STARD9: variants seen among roughly 807,000 people sequenced by gnomAD.
STARD9 encodes the protein StAR related lipid transfer domain containing 9.
In STARD9, 346 loss-of-function variants were observed where a neutral mutation model predicts 399.8. The observed-to-expected ratio is 0.87, with a 90% CI of 0.79 to 0.95. The LOEUF (loss-of-function observed/expected upper bound fraction) is 0.95. STARD9 is among the 40% of genes least tolerant of loss of function. The probability of loss-of-function intolerance (pLI) is 0.00; values close to 1 mark genes in which losing one functional copy is unlikely to be tolerated. For synonymous variants in STARD9, 2,203 were observed against 2,143.5 expected (o/e 1.03, Z -0.77); for missense variants, 5,832 against 5,667.5 (o/e 1.03, Z -0.93).
intron 7 of STARD9, among the ~76,000 whole-genome samples, chr15:42,645,835 C>T (rs77411372): frequency 6.6e-6 from 1 of 152,044 alleles, no homozygotes; most frequent in Admixed American, 6.6e-5. Context: ...AGTCACCGCG[C>T]CCAGCCTGGC....
rs1295614927 is a variant in STARD9, at chr15:42,688,573, G to A, written c.6995G>A (p.Ser2332Asn). The change falls in exon 23 of 33, where the codon AGT becomes AAT. Residue 2332 changes from serine (S) to asparagine (N), a missense_variant. Physicochemically the swap from Ser to Asn is conservative, Grantham distance 46. Coordinates refer to ENST00000290607, the MANE Select transcript of STARD9 (RefSeq NM_020759.3). Reference protein sequence around the residue: ...FCTAPLHQDLSNTLPLNSPRW... With the variant: ...FCTAPLHQDLNNTLPLNSPRW... ...ACAGCTCCTCTTCACCAAGACCTGAGTAATACCTTGCCCTTGAATTCTCCA... is the reference window on the plus strand; with the variant it reads ...ACAGCTCCTCTTCACCAAGACCTGAATAATACCTTGCCCTTGAATTCTCCA... The A allele has an allele frequency of 2.6e-6, 4 of 1,537,706 alleles. No individual in the cohort carries two copies. In the East Asian group the frequency reaches 9.8e-5, roughly 38 times the overall value.
At chr15:42,586,949 G>A (rs2058289350) in intron 3 of STARD9, among the ~76,000 whole-genome samples, 2 of 151,658 alleles carry the variant, frequency 1.3e-5, no homozygotes, top group South Asian at 4.2e-4. Context: ...CTTTCTTCTG[G>A]GCTGAAAGTG....
At chr15:42,623,992 A>G (rs1053901667) in intron 3 of STARD9, among the ~76,000 whole-genome samples, 1 of 152,254 alleles carries the variant, frequency 6.6e-6, no homozygotes, top group African/African-American at 2.4e-5. Context: ...AAACATTTAT[A>G]TTGGGTAGAG....
chr15:42,586,886 G>A (rs1172146404), intron 3 of STARD9, among the ~76,000 whole-genome samples: 1 of 147,496 alleles, frequency 6.8e-6, no homozygotes, highest in South Asian at 2.2e-4. Flanking sequence ...AGATGATCTT[G>A]TTCTGTTGCC....
intron 3 of STARD9, among the ~76,000 whole-genome samples, chr15:42,586,998 G>C (rs537732074): frequency 5.6e-4 from 85 of 152,180 alleles, no homozygotes; most frequent in African/African-American, 2.0e-3. Flanking sequence ...TGGGACTACA[G>C]GTGTGTGCCC....
rs149916930 is a variant in STARD9, at chr15:42,597,970, C to CTG, written c.234+12349_234+12350dup. The stretch of plus-strand genomic sequence containing the variant: ...ACAGGTGTGAGCCACTGCTCCCAGC[C>CTG]TGTGTGTGTGTGTGTGTTTGTATAT... On this transcript the variant is annotated intron_variant, in intron 3 of 32. Coordinates refer to ENST00000290607, the MANE Select transcript of STARD9 (RefSeq NM_020759.3). Among the ~76,000 whole-genome samples, 123 of 139,152 alleles carry CTG rather than the reference C, an allele frequency of 8.8e-4. 2 individuals are homozygous for CTG. In the South Asian group the frequency reaches 0.013, roughly 15 times the overall value. 91.3% of individuals were successfully genotyped at this position (139,152 alleles called of 152,430 possible). A position where few individuals can be genotyped will look rare whatever the true frequency, so the allele number is the denominator to read the frequency against.
chr15:42,715,397 A>C (rs115488672), intron 26 of STARD9, among the ~76,000 whole-genome samples: 2,089 of 152,170 alleles, frequency 0.014, 59 homozygotes, highest in African/African-American at 0.048. Flanking sequence ...AAGATGAGAG[A>C]AGCCGGGCAC....
At chr15:42,635,487 G>A (rs2059402478) in intron 4 of STARD9, among the ~76,000 whole-genome samples, 1 of 151,938 alleles carries the variant, frequency 6.6e-6, no homozygotes, top group South Asian at 2.1e-4. Context: ...CCGCCACCAC[G>A]CTTGGCTAAG....
intron 26 of STARD9, among the ~76,000 whole-genome samples, chr15:42,712,613 G>T (rs1372319890): frequency 1.3e-5 from 2 of 152,186 alleles, no homozygotes; most frequent in Admixed American, 1.3e-4. Context: ...CCTTGTCAAA[G>T]ATCAGTTGAC....
chr15:42,583,760 C>T (rs755301335), intron 2 of STARD9, among the ~76,000 whole-genome samples: 5 of 152,148 alleles, frequency 3.3e-5, no homozygotes, highest in African/African-American at 4.8e-5. Context: ...CACCTGACCA[C>T]CAGTTAAACT....
At chr15:42,592,645 T>C (rs2058424060) in intron 3 of STARD9, among the ~76,000 whole-genome samples, 5 of 151,886 alleles carry the variant, frequency 3.3e-5, no homozygotes, top group Admixed American at 2.0e-4. Context: ...GGTTTCTCCA[T>C]GTTGGCCAGG....
intron 3 of STARD9, among the ~76,000 whole-genome samples, chr15:42,589,692 C>T (rs955478742): frequency 6.2e-4 from 94 of 151,866 alleles, no homozygotes; most frequent in African/African-American, 2.2e-3. Flanking sequence ...CTGCAACCTC[C>T]ACCTTCTGGT....
Position 42,691,304 on chromosome 15 carries a change from T to A in STARD9, c.9726T>A (p.Cys3242Ter). The change falls in exon 23 of 33, where the codon TGT (cysteine) becomes TGA (stop). Residue 3242 changes from cysteine (C) to a stop codon, truncating the protein, a stop_gained. Transcript: ENST00000290607. LOFTEE classifies it high-confidence loss of function. ...CTGATGAAGATGGCTTAGATGGCTG[T>A]CAGATTTTAGATGCTGGGAGAGAGG... Reference protein sequence around the residue: ...PLPDEDGLDGCQILDAGREEV... With the variant: ...PLPDEDGLDG 6.5e-7 allele frequency: 1 copy of A among 1,537,228 alleles called. No homozygotes were observed. The highest frequency in any genetic ancestry group is 1.7e-4 in the Middle Eastern group (1 of 5,990).
intron 26 of STARD9, among the ~76,000 whole-genome samples, chr15:42,699,492 C>A (rs2060917929): frequency 6.8e-6 from 1 of 147,058 alleles, no homozygotes; most frequent in African/African-American, 2.5e-5. Flanking sequence ...CTCCCGGGTT[C>A]ACGCCATTCT....
rs563207519 is a variant in STARD9 at position 42,674,374 on chromosome 15, A to T, written c.1498-66A>T. 22 of 1,229,154 alleles carry T rather than the reference A, an allele frequency of 1.8e-5. No individual in the cohort carries two copies. In the African/African-American group the frequency reaches 3.3e-4, roughly 18 times the overall value. The allele number at this position is 1,229,154 out of a possible 1,614,324, so 76.1% of individuals were successfully genotyped here. On this transcript the variant is annotated intron_variant, in intron 16 of 32. Transcript: ENST00000290607. ...AGACAGTGAGAATATTCTAATGTGG[A>T]CTCTCCTGTAGGGCAAGGCTCTGTC...
intron 6 of STARD9, 48 bp downstream of exon 6, chr15:42,638,135 C>A: frequency 6.8e-7 from 1 of 1,463,202 alleles, no homozygotes; most frequent in Non-Finnish European, 9.2e-7. Context: ...TTCTTCTACT[C>A]CAAATTCTAC....
chr15:42,698,852 T>G (rs1357787883), intron 26 of STARD9, among the ~76,000 whole-genome samples: 1 of 152,140 alleles, frequency 6.6e-6, no homozygotes, highest in Admixed American at 6.6e-5. Context: ...GGCTATCTAG[T>G]TGTCCCTGTA....
intron 6 of STARD9, 57 bp downstream of exon 6, chr15:42,638,144 A>G (rs2059453329): frequency 1.4e-6 from 2 of 1,452,248 alleles, no homozygotes; most frequent in East Asian, 2.5e-5. Flanking sequence ...TCCAAATTCT[A>G]CCATGTTCAG....
At chr15:42,708,539 C>G (rs981199049) in intron 26 of STARD9, among the ~76,000 whole-genome samples, 2 of 152,144 alleles carry the variant, frequency 1.3e-5, no homozygotes, top group African/African-American at 4.8e-5. Context: ...CTCCTGGAGC[C>G]CCTTTTGATT....
Sources: gnomAD v4.1 joint callset for allele counts (sites outside exome capture counted in the v4.1 genomes callset) on GRCh38, gnomAD v4.1.1 for gene constraint, MANE v1.5 for transcripts, NCBI Gene and HGNC (gene_info 2026-07-23, HGNC 2026-07-21) for gene names.